DMC1: variants seen among roughly 807,000 people sequenced by gnomAD.
The protein encoded by DMC1 is meiotic recombination protein DMC1 homolog.
Under a neutral mutation model 50.1 loss-of-function variants are expected in DMC1, and 27 were observed. The observed-to-expected ratio is 0.54, with a 90% CI of 0.40 to 0.74. DMC1 has a LOEUF of 0.74. DMC1 is among the 30% of genes least tolerant of loss of function. The pLI, the probability that DMC1 is intolerant of heterozygous loss-of-function variation, is 0.00. For synonymous variants in DMC1, 148 were observed against 136.1 expected, an observed-to-expected ratio of 1.09 and a Z score of -0.61; for missense variants, 295 against 420.2, an observed-to-expected ratio of 0.70 and a Z score of 2.60.
chr22:38,554,756 A>C (rs1362797243), intron 6 of DMC1, among the ~76,000 whole-genome samples: 1 of 152,118 alleles, frequency 6.6e-6, no homozygotes, highest in African/African-American at 2.4e-5. Flanking sequence ...TTGCCTAGAA[A>C]TAAAATCAGC....
At chr22:38,557,623 C>G (rs562670080) in intron 5 of DMC1, among the ~76,000 whole-genome samples, 1 of 152,108 alleles carries the variant, frequency 6.6e-6, no homozygotes, top group African/African-American at 2.4e-5. Flanking sequence ...CGTGATGGAG[C>G]CACTGCATTT....
chr22:38,520,882 GTTT>G (rs574922199), intron 13 of DMC1, among the ~76,000 whole-genome samples: 16 of 141,062 alleles, frequency 1.1e-4, no homozygotes, highest in African/African-American at 4.3e-4. Flanking sequence ...TTTTGTTTTT[GTTT>G]TTTTTTTTTG....
chr22:38,530,902 TC>T (rs949802488), intron 12 of DMC1, among the ~76,000 whole-genome samples: 7 of 152,062 alleles, frequency 4.6e-5, no homozygotes, highest in African/African-American at 1.7e-4. Flanking sequence ...AAACCCTGTC[TC>T]TACTAAAAAT....
chr22:38,549,954 C>T lies in DMC1; in HGVS notation c.465G>A (p.Lys155=), dbSNP rs1362743835. ...LPGAGGYPGG[K]IIFIDTENTF... ...TATTTTCTGTATCAATGAAGATAAT[C>T]TTTCCTCCTGGGTAGCCACCAGCTC... Residue 155 remains lysine, a synonymous_variant, in exon 8 of 14, where the codon AAG becomes AAA. Coordinates refer to ENST00000216024, the MANE Select transcript of DMC1 (RefSeq NM_007068.4). 2 of 1,613,538 alleles carry T rather than the reference C, an allele frequency of 1.2e-6. No homozygotes were observed. Among genetic ancestry groups the T allele is most frequent in the African/African-American group, 2.7e-5 (2 of 74,924 alleles).
chr22:38,556,985 G>T (rs1432358364), intron 5 of DMC1, among the ~76,000 whole-genome samples: 2 of 152,164 alleles, frequency 1.3e-5, no homozygotes, highest in African/African-American at 4.8e-5. Flanking sequence ...CCCATTTGGA[G>T]GGAATACACT....
intron 12 of DMC1, among the ~76,000 whole-genome samples, chr22:38,531,485 A>G (rs994011317): frequency 5.9e-5 from 9 of 152,170 alleles, no homozygotes; most frequent in Non-Finnish European, 1.2e-4. Flanking sequence ...GACAGGCCCC[A>G]GGGGAACTGC....
At chr22:38,569,206 G>A (rs1349954376) in intron 1 of DMC1, 2 of 151,374 alleles carry the variant, frequency 1.3e-5, no homozygotes, top group African/African-American at 4.8e-5. Context: ...AAAAATTGGT[G>A]GATCATAATA....
chr22:38,553,057 A>G (rs986947156), intron 6 of DMC1, among the ~76,000 whole-genome samples: 1 of 151,580 alleles, frequency 6.6e-6, no homozygotes, highest in African/African-American at 2.4e-5. Context: ...CATATTGGCC[A>G]GGCTGGTCTC....
At chr22:38,541,787 C>T (rs1215644623) in intron 8 of DMC1, among the ~76,000 whole-genome samples, 1 of 152,006 alleles carries the variant, frequency 6.6e-6, no homozygotes, top group Non-Finnish European at 1.5e-5. Context: ...AACAATGTGA[C>T]CGCGGGTGTA....
chr22:38,556,682 T>C (rs1049507990), intron 5 of DMC1, among the ~76,000 whole-genome samples: 2 of 152,220 alleles, frequency 1.3e-5, no homozygotes, highest in Non-Finnish European at 2.9e-5. Context: ...CAACACATAT[T>C]AATTGTGTTA....
chr22:38,562,202 T>G, intron 5 of DMC1, 85 bp downstream of exon 5: 1 of 899,166 alleles, frequency 1.1e-6, no homozygotes, highest in Admixed American at 2.0e-5. Context: ...TTCTACTACT[T>G]ATAGTAGAAG....
intron 8 of DMC1, among the ~76,000 whole-genome samples, chr22:38,542,453 A>G (rs761792324): frequency 1.3e-5 from 2 of 152,222 alleles, no homozygotes; most frequent in Non-Finnish European, 2.9e-5. Context: ...CCCATTTACA[A>G]TAGCTACAAA....
intron 12 of DMC1, among the ~76,000 whole-genome samples, chr22:38,535,756 C>T (rs2090204616): frequency 6.6e-6 from 1 of 151,794 alleles, no homozygotes; most frequent in African/African-American, 2.4e-5. Context: ...TACAGGTGCA[C>T]ACCACCATGC....
At chr22:38,543,136 T>C (rs1043787484) in intron 8 of DMC1, among the ~76,000 whole-genome samples, 1 of 152,068 alleles carries the variant, frequency 6.6e-6, no homozygotes, top group Admixed American at 6.6e-5. Flanking sequence ...TGTAGAACAC[T>C]GGACTGGGTA....
intron 8 of DMC1, among the ~76,000 whole-genome samples, chr22:38,547,552 T>G (rs1048083791): frequency 5.3e-5 from 8 of 151,918 alleles, no homozygotes; most frequent in Non-Finnish European, 8.8e-5. Flanking sequence ...TTTTGTTTTT[T>G]TTTTTGAGAC....
intron 11 of DMC1, among the ~76,000 whole-genome samples, chr22:38,537,903 G>T (rs2090232926): frequency 6.6e-6 from 1 of 152,126 alleles, no homozygotes; most frequent in South Asian, 2.1e-4. Flanking sequence ...CCAGCACTTT[G>T]GGAGGCTGAG....
chr22:38,567,577 ACTT>A lies in DMC1; in HGVS notation c.96+3_96+5del. 6.2e-7 allele frequency: 1 copy of A among 1,600,822 alleles called. No individual in the cohort carries two copies. Among genetic ancestry groups the A allele is most frequent in the East Asian group, 2.2e-5 (1 of 44,822 alleles). On this transcript the variant is annotated splice_donor_5th_base_variant and intron_variant, in intron 3 of 13. Transcript: ENST00000216024. ...CAATTTAACACAGCATTGAAAAACT[ACTT>A]ACAATTCCATGTTTCTGTAACAGGT... is the stretch of plus-strand genomic sequence containing the variant.
intron 12 of DMC1, among the ~76,000 whole-genome samples, chr22:38,525,700 G>A (rs570588617): frequency 6.6e-6 from 1 of 152,278 alleles, no homozygotes; most frequent in South Asian, 2.1e-4. Context: ...CAGCCCTTTG[G>A]GAGGCTGCGG....
chr22:38,549,020 C>G (rs896431623), intron 8 of DMC1, among the ~76,000 whole-genome samples: 1 of 152,142 alleles, frequency 6.6e-6, no homozygotes, highest in African/African-American at 2.4e-5. Flanking sequence ...ATATAGCCAT[C>G]AAGTCCTATC....
Sources: allele counts gnomAD v4.1 joint callset (sites outside exome capture counted in the v4.1 genomes callset), GRCh38; gene constraint gnomAD v4.1.1; transcripts MANE v1.5; gene names NCBI Gene and HGNC (gene_info 2026-07-23, HGNC 2026-07-21).